The following BANK1 variants were observed in gnomAD, a reference collection of about 807,000 sequenced individuals.
BANK1 encodes the protein B-cell scaffold protein with ankyrin repeats.
BANK1 carries 95 observed loss-of-function variants against 94.5 expected under a neutral mutation model. That is an observed-to-expected ratio of 1.00 (90% CI 0.85 to 1.19). BANK1 has a LOEUF of 1.19. Among genes scored for constraint, BANK1 ranks in the 50% most tolerant of loss-of-function variants. BANK1 has a pLI of 0.00. For missense variants in BANK1, 987 were observed against 932.2 expected (o/e 1.06, Z -0.77); for synonymous variants, 334 against 308.4 (o/e 1.08, Z -0.87).
chr4:101,826,773 T>C (rs928257252), intron 1 of BANK1, among the ~76,000 whole-genome samples: 2 of 151,974 alleles, frequency 1.3e-5, no homozygotes, highest in African/African-American at 4.8e-5. Context: ...TCATTCTACA[T>C]ACATAAATAT....
chr4:101,900,875 G>T (rs144123827), intron 6 of BANK1, among the ~76,000 whole-genome samples: 11 of 152,240 alleles, frequency 7.2e-5, no homozygotes, highest in South Asian at 6.2e-4. Flanking sequence ...TTATTCTGCA[G>T]AGAGGGCAGA....
At chr4:101,868,786 A>G (rs912550136) in intron 4 of BANK1, among the ~76,000 whole-genome samples, 15 of 152,014 alleles carry the variant, frequency 9.9e-5, no homozygotes, top group Non-Finnish European at 2.9e-5. Context: ...GTTCAATAAT[A>G]TATTACTGAG....
chr4:101,887,838 AAG>A (rs1464820669), intron 5 of BANK1, among the ~76,000 whole-genome samples: 1 of 152,214 alleles, frequency 6.6e-6, no homozygotes, highest in Non-Finnish European at 1.5e-5. Flanking sequence ...AAGTTGATAA[AAG>A]AAAATATCTC....
intron 7 of BANK1, among the ~76,000 whole-genome samples, chr4:102,007,755 C>G (rs1479930358): frequency 1.3e-5 from 2 of 152,034 alleles, no homozygotes; most frequent in Non-Finnish European, 2.9e-5. Flanking sequence ...TTCTATTGAT[C>G]AGGAATATTC....
At chr4:101,898,090 A>G (rs1315126255) in intron 6 of BANK1, among the ~76,000 whole-genome samples, 2 of 152,006 alleles carry the variant, frequency 1.3e-5, no homozygotes, top group African/African-American at 2.4e-5. Context: ...AAACCTATAT[A>G]TAACAGAGCC....
intron 2 of BANK1, among the ~76,000 whole-genome samples, chr4:101,832,649 A>G (rs1217167066): frequency 6.6e-6 from 1 of 152,092 alleles, no homozygotes; most frequent in African/African-American, 2.4e-5. Flanking sequence ...ATAACTTAAA[A>G]TTCATCTCTT....
intron 7 of BANK1, among the ~76,000 whole-genome samples, chr4:102,016,315 T>C (rs1726697109): frequency 6.6e-6 from 1 of 152,198 alleles, no homozygotes; most frequent in Admixed American, 6.6e-5. Flanking sequence ...CATGAAACCT[T>C]CATATGTGGG....
intron 11 of BANK1, among the ~76,000 whole-genome samples, chr4:102,054,794 T>G (rs1297195085): frequency 6.6e-6 from 1 of 152,046 alleles, no homozygotes; most frequent in Admixed American, 6.6e-5. Flanking sequence ...TCTACCAAGG[T>G]CTGTACAGAA....
At position 101,897,169 on chromosome 4, in the gene BANK1, TC is replaced by T. The variant is rs532853513; in HGVS notation, c.1009+1760del. ...AGTGATTTGATACTAGTCATAACCT[TC>T]ATTCAAGCTAGGGAACCAATGAAGA... On this transcript the variant is annotated intron_variant, in intron 6 of 16. Transcript: ENST00000322953. Among the ~76,000 whole-genome samples, 304 of 152,044 alleles carry T rather than the reference TC, an allele frequency of 2.0e-3. 1 individual carries two copies. The highest frequency in any genetic ancestry group is 3.4e-3 in the Middle Eastern group (1 of 294).
chr4:101,845,599 A>C (rs6823042), intron 2 of BANK1, among the ~76,000 whole-genome samples: 1,903 of 152,298 alleles, frequency 0.012, 44 homozygotes, highest in African/African-American at 0.042. Context: ...AAAAATAATC[A>C]TTTTCTCTAG....
In BANK1 at chr4:102,074,032, C is replaced by T. The variant is rs111763584; in HGVS notation, c.*33C>T. 6.5e-5 allele frequency: 14 copies of T among 215,496 alleles called. No homozygotes were observed. Among genetic ancestry groups the T allele is most frequent in the African/African-American group, 1.4e-4 (6 of 43,666 alleles). The allele number at this position is 215,496 out of a possible 1,614,324, so 13.3% of individuals were successfully genotyped here. ...TATTATAATGAAACTCACGAATCTA[C>T]GGACATTTTGCTTTCAGGGTGAAGC... On this transcript the variant is annotated 3_prime_UTR_variant, in exon 17 of 17. Transcript: ENST00000322953.
intron 1 of BANK1, among the ~76,000 whole-genome samples, chr4:101,798,437 A>G (rs1434239312): frequency 6.6e-6 from 1 of 152,208 alleles, no homozygotes; most frequent in African/African-American, 2.4e-5. Context: ...CATGAATTCC[A>G]TTAGTAATAC....
At chr4:101,905,261 T>C (rs1277585814) in intron 6 of BANK1, among the ~76,000 whole-genome samples, 30 of 152,214 alleles carry the variant, frequency 2.0e-4, no homozygotes, top group Admixed American at 2.0e-3. Context: ...CACAGACTCC[T>C]GTTGGGACCT....
At chr4:101,848,319 C>T (rs1329166695) in intron 2 of BANK1, among the ~76,000 whole-genome samples, 1 of 152,134 alleles carries the variant, frequency 6.6e-6, no homozygotes, top group East Asian at 1.9e-4. Flanking sequence ...ATTCACAATG[C>T]GAGCCCCCGC....
intron 4 of BANK1, among the ~76,000 whole-genome samples, chr4:101,863,189 C>T (rs1377904612): frequency 6.6e-6 from 1 of 151,900 alleles, no homozygotes; most frequent in African/African-American, 2.4e-5. Flanking sequence ...ATTTGATTAT[C>T]CAGCTTTGCT....
chr4:102,030,577 TC>T (rs1234094070), intron 10 of BANK1, among the ~76,000 whole-genome samples: 1 of 151,150 alleles, frequency 6.6e-6, no homozygotes, highest in African/African-American at 2.4e-5. Flanking sequence ...ATGTTATCTC[TC>T]CCCCAGCCCC....
intron 2 of BANK1, among the ~76,000 whole-genome samples, chr4:101,843,818 A>T (rs1727147116): frequency 6.6e-6 from 1 of 151,944 alleles, no homozygotes; most frequent in Admixed American, 6.6e-5. Context: ...GCTACTTGGG[A>T]GGCTAAGGCA....
rs150848399 is a variant in BANK1 at position 102,025,452 on chromosome 4, C to T, written c.1537C>T (p.Pro513Ser). 888 of 1,613,998 alleles carry T rather than the reference C, an allele frequency of 5.5e-4. 3 individuals are homozygous for T. Among genetic ancestry groups the T allele is most frequent in the Admixed American group, 1.3e-3 (80 of 59,996 alleles). ...PLMSSRPPLP[P>S]PRPVANAFQL... ...CATGAGCAGCAGACCTCCTCTCCCC[C>T]CGCCGCGACCTGTAGCTAATGCCTT... is the stretch of plus-strand genomic sequence containing the variant. Residue 513 changes from proline (P) to serine (S), a missense_variant, in exon 9 of 17, where the codon CCG becomes TCG. Coordinates refer to ENST00000322953, the MANE Select transcript of BANK1 (RefSeq NM_017935.5).
At chr4:102,023,979 A>G (rs1261519499) in intron 8 of BANK1, among the ~76,000 whole-genome samples, 1 of 152,208 alleles carries the variant, frequency 6.6e-6, no homozygotes, top group African/African-American at 2.4e-5. Context: ...GTGCAGATAG[A>G]TTGTACAAAA....
Sources: allele counts gnomAD v4.1 joint callset (sites outside exome capture counted in the v4.1 genomes callset), GRCh38; gene constraint gnomAD v4.1.1; transcripts MANE v1.5; gene names NCBI Gene and HGNC (gene_info 2026-07-23, HGNC 2026-07-21).